FSTL4: variants seen among roughly 807,000 people sequenced by gnomAD.
FSTL4 encodes follistatin like 4, also known as follistatin-related protein 4.
In FSTL4, 28 loss-of-function variants were observed where a neutral mutation model predicts 78.2. The observed-to-expected ratio is 0.36, with a 90% CI of 0.27 to 0.49. The LOEUF is 0.49. FSTL4 is among the 20% of genes least tolerant of loss of function. FSTL4 has a pLI of 0.98. For missense variants in FSTL4, 922 were observed against 1,084.9 expected (o/e 0.85, Z 2.11); for synonymous variants, 422 against 440.5 (o/e 0.96, Z 0.53).
At chr5:133,563,611 C>T (rs181527902) in intron 3 of FSTL4, among the ~76,000 whole-genome samples, 2 of 152,352 alleles carry the variant, frequency 1.3e-5, no homozygotes, top group East Asian at 3.9e-4. Flanking sequence ...TGTACATGCA[C>T]AGCCCATGGA....
intron 3 of FSTL4, among the ~76,000 whole-genome samples, chr5:133,531,273 G>C (rs1267385617): frequency 6.6e-6 from 1 of 152,042 alleles, no homozygotes; most frequent in African/African-American, 2.4e-5. Context: ...TGCTGACCCC[G>C]TCCCCCAGTG....
chr5:133,466,771 C>G (rs1276181545), intron 3 of FSTL4, among the ~76,000 whole-genome samples: 1 of 152,192 alleles, frequency 6.6e-6, no homozygotes, highest in Non-Finnish European at 1.5e-5. Context: ...GGATGCAAGA[C>G]AGTGTGAAAT....
At chr5:133,387,458 T>C (rs544965002) in intron 4 of FSTL4, among the ~76,000 whole-genome samples, 1 of 152,268 alleles carries the variant, frequency 6.6e-6, no homozygotes, top group South Asian at 2.1e-4. Context: ...CCCACCCTGA[T>C]GGCCATTCCT....
chr5:133,378,485 C>T (rs145965840), intron 4 of FSTL4, among the ~76,000 whole-genome samples: 125 of 152,228 alleles, frequency 8.2e-4, no homozygotes, highest in African/African-American at 2.8e-3. Flanking sequence ...GGTTAACATA[C>T]AAATTATATA....
chr5:133,393,312 G>A (rs1755903685), intron 4 of FSTL4, among the ~76,000 whole-genome samples: 1 of 152,218 alleles, frequency 6.6e-6, no homozygotes, highest in South Asian at 2.1e-4. Context: ...AACCCAGAGG[G>A]TGGAGATGTG....
At chr5:133,596,109 T>A (rs1252787159) in intron 2 of FSTL4, among the ~76,000 whole-genome samples, 1 of 152,212 alleles carries the variant, frequency 6.6e-6, no homozygotes, top group Admixed American at 6.5e-5. Flanking sequence ...CAGCCATTTC[T>A]CCCAGGAGCC....
At chr5:133,683,149 C>A in the FSTL4 span, among the ~76,000 whole-genome samples, 1 of 152,086 alleles carries the variant, frequency 6.6e-6, no homozygotes, top group African/African-American at 2.4e-5. Flanking sequence ...AGGTGCAGAT[C>A]GGCAAGGTTT....
the FSTL4 span, among the ~76,000 whole-genome samples, chr5:133,697,301 C>T: frequency 2.0e-5 from 3 of 152,146 alleles, no homozygotes; most frequent in South Asian, 2.1e-4. Context: ...CAGGCAACCC[C>T]GGGTGAAACA....
At chr5:133,567,974 C>G (rs1760064969) in intron 2 of FSTL4, among the ~76,000 whole-genome samples, 1 of 152,200 alleles carries the variant, frequency 6.6e-6, no homozygotes, top group Non-Finnish European at 1.5e-5. Flanking sequence ...ACCAGCATTT[C>G]ACATTCCAGT....
At chr5:133,816,322 C>T in the FSTL4 span, among the ~76,000 whole-genome samples, 2 of 152,214 alleles carry the variant, frequency 1.3e-5, no homozygotes, top group Admixed American at 1.3e-4. Flanking sequence ...CAGGGTCTGA[C>T]AGTGTGGAGT....
At chr5:133,381,445 GA>G (rs1755567880) in intron 4 of FSTL4, among the ~76,000 whole-genome samples, 1 of 152,168 alleles carries the variant, frequency 6.6e-6, no homozygotes, top group South Asian at 2.1e-4. Context: ...AAAAACAAGA[GA>G]AAGTAAACCA....
chr5:133,532,263 G>C (rs1179545584), intron 3 of FSTL4, among the ~76,000 whole-genome samples: 1 of 152,216 alleles, frequency 6.6e-6, no homozygotes, highest in Non-Finnish European at 1.5e-5. Context: ...GTAGAAAGAA[G>C]AACTGCCTCT....
In FSTL4 at chr5:133,346,626, C is replaced by T. The variant is rs1012013339; in HGVS notation, c.410-29974G>A. ...AACTGTGGGTCTTTTTTCATTCCCC[C>T]CTGCTTCTGTCTCAGTGGGTCATTC... On this transcript the variant is annotated intron_variant, in intron 4 of 15. Transcript: ENST00000265342. Among the ~76,000 whole-genome samples, 3 of 152,008 alleles carry T rather than the reference C, an allele frequency of 2.0e-5. No homozygotes were observed. In the South Asian group the frequency reaches 6.3e-4, roughly 32 times the overall value.
At chr5:133,330,709 G>A (rs987171031) in intron 4 of FSTL4, among the ~76,000 whole-genome samples, 1 of 152,170 alleles carries the variant, frequency 6.6e-6, no homozygotes, top group Non-Finnish European at 1.5e-5. Flanking sequence ...TTGATGACAT[G>A]TATCCATTTC....
intron 2 of FSTL4, among the ~76,000 whole-genome samples, chr5:133,571,953 T>C (rs1280631333): frequency 6.6e-6 from 1 of 152,058 alleles, no homozygotes; most frequent in South Asian, 2.1e-4. Flanking sequence ...AGAGTGAAAA[T>C]TCAGAGAAAA....
At chr5:133,601,965 G>A (rs542456095) in intron 2 of FSTL4, among the ~76,000 whole-genome samples, 15 of 151,934 alleles carry the variant, frequency 9.9e-5, no homozygotes, top group African/African-American at 3.4e-4. Flanking sequence ...ATTATTAGGT[G>A]TGAGCCACCG....
chr5:133,621,469 G>A, the FSTL4 span, among the ~76,000 whole-genome samples: 1 of 152,166 alleles, frequency 6.6e-6, no homozygotes, highest in Non-Finnish European at 1.5e-5. Flanking sequence ...GATGAGATTA[G>A]AGACTGTTAT....
At chr5:133,808,749 GC>G in the FSTL4 span, among the ~76,000 whole-genome samples, 2 of 152,068 alleles carry the variant, frequency 1.3e-5, no homozygotes, top group Non-Finnish European at 2.9e-5. Context: ...GCACTCAGCT[GC>G]CCCTCCATGC....
chr5:133,645,585 T>C, the FSTL4 span, among the ~76,000 whole-genome samples: 1 of 152,114 alleles, frequency 6.6e-6, no homozygotes. Flanking sequence ...GATACATCCA[T>C]GTCCTCATCC....
Sources: gnomAD v4.1 joint callset for allele counts (sites outside exome capture counted in the v4.1 genomes callset) on GRCh38, gnomAD v4.1.1 for gene constraint, MANE v1.5 for transcripts, NCBI Gene and HGNC (gene_info 2026-07-23, HGNC 2026-07-21) for gene names.